The following GRM7 variants were observed in gnomAD, a reference collection of about 807,000 sequenced individuals.
GRM7 encodes the protein metabotropic glutamate receptor 7.
Under a neutral mutation model 84.5 loss-of-function variants are expected in GRM7, and 35 were observed. The observed-to-expected ratio is 0.41, with a 90% CI of 0.32 to 0.55. The LOEUF is 0.55. GRM7 is among the 20% of genes least tolerant of loss of function. GRM7 has a pLI of 0.19. For synonymous variants in GRM7, 487 were observed against 455.1 expected, an observed-to-expected ratio of 1.07 and a Z score of -0.89; for missense variants, 1,003 against 1,194.6, an observed-to-expected ratio of 0.84 and a Z score of 2.36.
At chr3:7,016,178 T>C (rs1008346220) in intron 1 of GRM7, among the ~76,000 whole-genome samples, 3 of 152,132 alleles carry the variant, frequency 2.0e-5, no homozygotes, top group Admixed American at 6.5e-5. Flanking sequence ...TGGCCTTAGG[T>C]AAATTACTTT....
intron 1 of GRM7, among the ~76,000 whole-genome samples, chr3:7,032,960 C>A (rs1696241453): frequency 6.6e-6 from 1 of 152,122 alleles, no homozygotes; most frequent in African/African-American, 2.4e-5. Flanking sequence ...AACAAATCAA[C>A]AAAAACTGAG....
chr3:6,866,097 T>A (rs935470682), intron 1 of GRM7, among the ~76,000 whole-genome samples: 1 of 152,200 alleles, frequency 6.6e-6, no homozygotes, highest in African/African-American at 2.4e-5. Context: ...AATTAAGATG[T>A]CTTTGGGCAT....
intron 7 of GRM7, among the ~76,000 whole-genome samples, chr3:7,462,017 C>A (rs774122876): frequency 5.9e-5 from 9 of 152,100 alleles, no homozygotes; most frequent in Non-Finnish European, 1.0e-4. Flanking sequence ...TCACAAGATC[C>A]TTCTCTTGGT....
intron 2 of GRM7, among the ~76,000 whole-genome samples, chr3:7,264,206 T>C (rs1007090319): frequency 2.6e-5 from 4 of 152,272 alleles, no homozygotes; most frequent in African/African-American, 9.6e-5. Context: ...TCCCGTCTCA[T>C]GGGCAAGACC....
intron 4 of GRM7, among the ~76,000 whole-genome samples, chr3:7,335,710 A>G (rs1701391390): frequency 6.6e-6 from 1 of 152,144 alleles, no homozygotes; most frequent in Non-Finnish European, 1.5e-5. Context: ...TCAATTAGAA[A>G]TGAAATGGGA....
At chr3:7,282,910 C>G (rs1246678668) in intron 2 of GRM7, among the ~76,000 whole-genome samples, 1 of 152,184 alleles carries the variant, frequency 6.6e-6, no homozygotes, top group Non-Finnish European at 1.5e-5. Flanking sequence ...CCTTTCCATT[C>G]TATCCAAGGA....
chr3:6,929,789 A>G (rs17046385), intron 1 of GRM7, among the ~76,000 whole-genome samples: 1 of 152,116 alleles, frequency 6.6e-6, no homozygotes, highest in Admixed American at 6.5e-5. Context: ...GGAGGTGTGT[A>G]GGGAAGGTGA....
chr3:7,736,614 G>A (rs983536198), intron 9 of GRM7, among the ~76,000 whole-genome samples: 1 of 152,122 alleles, frequency 6.6e-6, no homozygotes, highest in Non-Finnish European at 1.5e-5. Context: ...GTAGTAGCAA[G>A]AGCACACATC....
intron 7 of GRM7, among the ~76,000 whole-genome samples, chr3:7,547,245 C>G (rs544707584): frequency 2.4e-5 from 3 of 123,444 alleles, no homozygotes; most frequent in Non-Finnish European, 4.7e-5. Flanking sequence ...CTCACTCTGT[C>G]GCCCAGGCTG....
intron 1 of GRM7, among the ~76,000 whole-genome samples, chr3:7,089,510 A>C (rs561832585): frequency 2.0e-5 from 3 of 152,178 alleles, no homozygotes; most frequent in Admixed American, 1.3e-4. Flanking sequence ...TATATATTTC[A>C]TCTGCTGCTC....
At chr3:7,167,627 T>C (rs1694841766) in intron 2 of GRM7, among the ~76,000 whole-genome samples, 1 of 151,956 alleles carries the variant, frequency 6.6e-6, no homozygotes, top group Admixed American at 6.6e-5. Flanking sequence ...TTCCAGTCAT[T>C]AAAATGGCTC....
At chr3:7,039,558 T>C (rs1696514694) in intron 1 of GRM7, among the ~76,000 whole-genome samples, 1 of 152,154 alleles carries the variant, frequency 6.6e-6, no homozygotes, top group African/African-American at 2.4e-5. Flanking sequence ...AATATGACAG[T>C]GTATCAAATG....
chr3:7,649,650 C>T (rs186937791), intron 8 of GRM7, among the ~76,000 whole-genome samples: 1 of 152,074 alleles, frequency 6.6e-6, no homozygotes, highest in Non-Finnish European at 1.5e-5. Flanking sequence ...CCATCATCAC[C>T]TTTGTAACAC....
At chr3:7,654,536 A>C (rs956385623) in intron 8 of GRM7, among the ~76,000 whole-genome samples, 2 of 152,176 alleles carry the variant, frequency 1.3e-5, no homozygotes, top group African/African-American at 2.4e-5. Flanking sequence ...CATAAAGAAC[A>C]CTTCTATTTT....
At chr3:7,364,102 G>A (rs1693779067) in intron 4 of GRM7, among the ~76,000 whole-genome samples, 1 of 151,886 alleles carries the variant, frequency 6.6e-6, no homozygotes, top group African/African-American at 2.4e-5. Flanking sequence ...TAAGAAAGGT[G>A]TATTAAAATG....
intron 1 of GRM7, among the ~76,000 whole-genome samples, chr3:6,917,653 C>T (rs1044795196): frequency 6.6e-6 from 1 of 151,894 alleles, no homozygotes; most frequent in Non-Finnish European, 1.5e-5. Context: ...TGAAAGTTCC[C>T]AAAGACAATC....
intron 9 of GRM7, among the ~76,000 whole-genome samples, chr3:7,696,501 C>G (rs1469136117): frequency 6.6e-6 from 1 of 152,148 alleles, no homozygotes; most frequent in African/African-American, 2.4e-5. Context: ...TGCATATTCA[C>G]TCATCATGCC....
chr3:7,181,893 G>C (rs1381993770), intron 2 of GRM7, among the ~76,000 whole-genome samples: 2 of 152,106 alleles, frequency 1.3e-5, no homozygotes, highest in Admixed American at 1.3e-4. Context: ...TTACAGGTGT[G>C]AGCCACCTCT....
intron 1 of GRM7, among the ~76,000 whole-genome samples, chr3:7,038,871 A>G (rs1285313506): frequency 1.3e-5 from 2 of 152,156 alleles, no homozygotes; most frequent in Non-Finnish European, 2.9e-5. Context: ...TTAAAAAATT[A>G]TAATACCCAT....
Sources: gnomAD v4.1 joint callset for allele counts (sites outside exome capture counted in the v4.1 genomes callset) on GRCh38, gnomAD v4.1.1 for gene constraint, MANE v1.5 for transcripts, NCBI Gene and HGNC (gene_info 2026-07-23, HGNC 2026-07-21) for gene names.